Variants in MEI4 observed in about 807,000 individuals in gnomAD.
MEI4 encodes the protein meiosis-specific protein MEI4.
In MEI4, 27 loss-of-function variants were observed where a neutral mutation model predicts 31.4. That is an observed-to-expected ratio of 0.86 (90% CI 0.63 to 1.19). MEI4 has a LOEUF of 1.19. MEI4 is among the 50% of genes most tolerant of loss of function. The pLI, the probability that MEI4 is intolerant of heterozygous loss-of-function variation, is 0.00. For missense variants in MEI4, 329 were observed against 398.9 expected (o/e 0.82, Z 1.49); for synonymous variants, 122 against 145.4 (o/e 0.84, Z 1.16).
chr6:77,681,857 TGCTGGAA>T (rs1407530683), intron 1 of MEI4, among the ~76,000 whole-genome samples: 1 of 152,220 alleles, frequency 6.6e-6, no homozygotes, highest in Non-Finnish European at 1.5e-5. Flanking sequence ...ACAGACTCTC[TGCTGGAA>T]AGGCTTCCAC....
intron 3 of MEI4, among the ~76,000 whole-genome samples, chr6:77,795,797 C>G (rs1012203197): frequency 2.0e-5 from 3 of 150,406 alleles, no homozygotes; most frequent in African/African-American, 7.3e-5. Flanking sequence ...AAATAAAAAC[C>G]CAGGACCAGA....
chr6:77,692,658 G>A (rs1173635178), intron 2 of MEI4, among the ~76,000 whole-genome samples: 1 of 151,982 alleles, frequency 6.6e-6, no homozygotes, highest in Non-Finnish European at 1.5e-5. Flanking sequence ...AGTGGTTAAG[G>A]GACATAGCAG....
rs1289898752 is a variant in MEI4 at position 77,704,137 on chromosome 6, T to G, written c.232+13234T>G. On this transcript the variant is annotated intron_variant, in intron 2 of 4. Coordinates refer to ENST00000684080, the MANE Select transcript of MEI4 (RefSeq NM_001322247.2). ...TCAAGAATATGTCAGCTTCTCTTTTTCTGAGACTCTTTTGAAGGTAGGAGA... is the reference window on the plus strand; with the variant it reads ...TCAAGAATATGTCAGCTTCTCTTTTGCTGAGACTCTTTTGAAGGTAGGAGA... 3.3e-5 allele frequency among the ~76,000 whole-genome samples: 5 copies of G among 152,258 alleles called. No homozygotes were observed. The East Asian group carries it at 9.6e-4, about 29-fold the overall frequency.
In MEI4 at chr6:77,828,913, A is replaced by C; in HGVS notation, c.769-18A>C. The C allele has an allele frequency of 8.1e-7, 1 of 1,231,572 alleles. No homozygotes were observed. Among genetic ancestry groups the C allele is most frequent in the Non-Finnish European group, 1.0e-6 (1 of 987,450 alleles). 76.3% of individuals were successfully genotyped at this position (1,231,572 alleles called of 1,614,324 possible). Reference sequence around the variant, plus strand: ...TTGACGTGATGGAATATAGAAACCTACTCATTTTTATCTTTAGTTTCAGGT... The same window carrying C: ...TTGACGTGATGGAATATAGAAACCTCCTCATTTTTATCTTTAGTTTCAGGT... On this transcript the variant is annotated intron_variant, in intron 3 of 4. Coordinates refer to ENST00000684080, the MANE Select transcript of MEI4 (RefSeq NM_001322247.2).
intron 3 of MEI4, among the ~76,000 whole-genome samples, chr6:77,818,687 A>C (rs1234920808): frequency 6.6e-6 from 1 of 152,032 alleles, no homozygotes; most frequent in Non-Finnish European, 1.5e-5. Flanking sequence ...ATTTAACCTA[A>C]TTTTACCTAT....
chr6:77,828,291 C>T (rs868807557), intron 3 of MEI4, among the ~76,000 whole-genome samples: 3 of 149,054 alleles, frequency 2.0e-5, no homozygotes, highest in Admixed American at 6.9e-5. Context: ...CTGTTAGAAA[C>T]CAGGCCACAC....
At chr6:77,753,519 A>G (rs1290009045) in intron 2 of MEI4, among the ~76,000 whole-genome samples, 1 of 152,256 alleles carries the variant, frequency 6.6e-6, no homozygotes, top group African/African-American at 2.4e-5. Flanking sequence ...ATCGCTGATC[A>G]TTAGAGAAAT....
chr6:77,733,990 A>C (rs940467499), intron 2 of MEI4, among the ~76,000 whole-genome samples: 2 of 151,912 alleles, frequency 1.3e-5, no homozygotes, highest in African/African-American at 4.8e-5. Context: ...GTGGTCTGAG[A>C]GATAGTTTGT....
intron 2 of MEI4, among the ~76,000 whole-genome samples, chr6:77,738,642 G>C (rs914035157): frequency 6.6e-6 from 1 of 152,060 alleles, no homozygotes; most frequent in Non-Finnish European, 1.5e-5. Flanking sequence ...GGTATTTTTG[G>C]TTCTAGATCC....
At chr6:77,760,280 G>C (rs995220251) in intron 2 of MEI4, among the ~76,000 whole-genome samples, 1 of 151,742 alleles carries the variant, frequency 6.6e-6, no homozygotes, top group Non-Finnish European at 1.5e-5. Context: ...GAGATATGTA[G>C]ATATCTATAT....
chr6:77,655,085 G>A (rs1361562487), intron 1 of MEI4, among the ~76,000 whole-genome samples: 1 of 152,026 alleles, frequency 6.6e-6, no homozygotes, highest in Non-Finnish European at 1.5e-5. Context: ...GCCCCGGTGT[G>A]TGATGTTCCC....
At chr6:77,902,833 A>G (rs548009621) in intron 4 of MEI4, among the ~76,000 whole-genome samples, 7 of 152,194 alleles carry the variant, frequency 4.6e-5, no homozygotes, top group African/African-American at 1.7e-4. Context: ...CTCATCATGC[A>G]TATGTTGATT....
chr6:77,660,138 A>G (rs984044513), intron 1 of MEI4, among the ~76,000 whole-genome samples: 3 of 151,966 alleles, frequency 2.0e-5, no homozygotes, highest in Non-Finnish European at 4.4e-5. Context: ...TAAGGCGGGG[A>G]CAGCTGTGTA....
Position 77,790,373 on chromosome 6 carries a change from A to G in MEI4, c.768+28708A>G, listed in dbSNP as rs181477193. ...CATATGTAACCTGCACGTTGTGCACATGTACCCTAAAACTTAAAGTTTAAT... is the reference window on the plus strand; with the variant it reads ...CATATGTAACCTGCACGTTGTGCACGTGTACCCTAAAACTTAAAGTTTAAT... On this transcript the variant is annotated intron_variant, in intron 3 of 4. Transcript: ENST00000684080. 2.0e-5 allele frequency among the ~76,000 whole-genome samples: 3 copies of G among 152,160 alleles called. No individual in the cohort carries two copies. In the East Asian group the frequency reaches 5.8e-4, roughly 30 times the overall value.
intron 2 of MEI4, among the ~76,000 whole-genome samples, chr6:77,703,087 T>C (rs1352265809): frequency 6.6e-6 from 1 of 152,224 alleles, no homozygotes. Context: ...ACTCTATGCT[T>C]TCAGAGACTA....
chr6:77,889,776 C>A (rs989596074), intron 4 of MEI4, among the ~76,000 whole-genome samples: 6 of 152,206 alleles, frequency 3.9e-5, no homozygotes, highest in African/African-American at 1.4e-4. Context: ...AGGGCCCTCC[C>A]TGCTTTATGC....
chr6:77,739,671 C>T (rs557621388), intron 2 of MEI4, among the ~76,000 whole-genome samples: 15 of 151,900 alleles, frequency 9.9e-5, no homozygotes, highest in Admixed American at 7.2e-4. Flanking sequence ...CACTATGGCA[C>T]GTGTATACCT....
At chr6:77,835,418 A>G (rs1770194281) in intron 4 of MEI4, among the ~76,000 whole-genome samples, 1 of 150,992 alleles carries the variant, frequency 6.6e-6, no homozygotes, top group East Asian at 1.9e-4. Context: ...AAAAAAAAAA[A>G]AAGAAGAGAA....
At chr6:77,750,698 T>C (rs1188190060) in intron 2 of MEI4, among the ~76,000 whole-genome samples, 1 of 152,092 alleles carries the variant, frequency 6.6e-6, no homozygotes, top group Non-Finnish European at 1.5e-5. Flanking sequence ...ACTGTCAACA[T>C]TGGACAGATC....
Sources: allele counts gnomAD v4.1 joint callset (sites outside exome capture counted in the v4.1 genomes callset), GRCh38; gene constraint gnomAD v4.1.1; transcripts MANE v1.5; gene names NCBI Gene and HGNC (gene_info 2026-07-23, HGNC 2026-07-21).